KCNB2: variants seen among roughly 807,000 people sequenced by gnomAD.
KCNB2 encodes the protein delayed rectifier potassium channel protein.
Under a neutral mutation model 61.5 loss-of-function variants are expected in KCNB2, and 15 were observed. That is an observed-to-expected ratio of 0.24 (90% CI 0.16 to 0.38). KCNB2 has a LOEUF of 0.38. Among genes scored for constraint, KCNB2 ranks in the 10% least tolerant of loss-of-function variants. The pLI, the probability that KCNB2 is intolerant of heterozygous loss-of-function variation, is 1.00. For missense variants in KCNB2, 828 were observed against 1,125.2 expected (o/e 0.74, Z 3.78); for synonymous variants, 457 against 446.0 (o/e 1.02, Z -0.31).
At chr8:72,782,702 C>T (rs1235379696) in intron 2 of KCNB2, among the ~76,000 whole-genome samples, 1 of 152,170 alleles carries the variant, frequency 6.6e-6, no homozygotes, top group African/African-American at 2.4e-5. Flanking sequence ...GTAAGACCCA[C>T]TTCCCTCAAA....
intron 2 of KCNB2, among the ~76,000 whole-genome samples, chr8:72,885,310 A>G (rs1353829452): frequency 1.3e-5 from 2 of 152,134 alleles, no homozygotes; most frequent in East Asian, 1.9e-4. Flanking sequence ...ACTTTTAGCT[A>G]CTAGCCAGAT....
chr8:72,854,321 T>G (rs898144418), intron 2 of KCNB2, among the ~76,000 whole-genome samples: 1 of 152,212 alleles, frequency 6.6e-6, no homozygotes, highest in Non-Finnish European at 1.5e-5. Context: ...AGGTATCAGT[T>G]ATATATTTTT....
chr8:72,559,128 GTTTTA>G (rs201047854), intron 1 of KCNB2, among the ~76,000 whole-genome samples: 52 of 151,642 alleles, frequency 3.4e-4, no homozygotes, highest in Admixed American at 6.6e-4. Context: ...ATTTTATTTT[GTTTTA>G]TTTTATTTTA....
At chr8:72,778,992 C>T (rs1187186341) in intron 2 of KCNB2, among the ~76,000 whole-genome samples, 1 of 151,958 alleles carries the variant, frequency 6.6e-6, no homozygotes, top group Non-Finnish European at 1.5e-5. Context: ...GAAGCCAGGT[C>T]GCACCTAGGC....
intron 1 of KCNB2, among the ~76,000 whole-genome samples, chr8:72,550,096 C>A (rs1806321096): frequency 6.6e-6 from 1 of 152,208 alleles, no homozygotes; most frequent in African/African-American, 2.4e-5. Flanking sequence ...TTCCCACTAT[C>A]CTTTCTCAAG....
chr8:72,544,635 A>T (rs1309531836), intron 1 of KCNB2, among the ~76,000 whole-genome samples: 1 of 152,202 alleles, frequency 6.6e-6, no homozygotes, highest in African/African-American at 2.4e-5. Context: ...CTCCCAATAC[A>T]GGTCATAATA....
intron 2 of KCNB2, among the ~76,000 whole-genome samples, chr8:72,811,892 C>T (rs1029194525): frequency 2.0e-5 from 3 of 152,166 alleles, no homozygotes; most frequent in African/African-American, 4.8e-5. Flanking sequence ...GATTTATGCA[C>T]CTTCACGGGT....
chr8:72,555,556 A>G (rs912919823), intron 1 of KCNB2, among the ~76,000 whole-genome samples: 2 of 151,806 alleles, frequency 1.3e-5, no homozygotes, highest in African/African-American at 4.8e-5. Flanking sequence ...CAGTGCTTTA[A>G]ATATCACCAT....
At chr8:72,697,273 C>T (rs564242321) in intron 2 of KCNB2, among the ~76,000 whole-genome samples, 26 of 152,252 alleles carry the variant, frequency 1.7e-4, no homozygotes, top group African/African-American at 6.0e-4. Context: ...TTGTAAAATG[C>T]TTGGGGAAAG....
At chr8:72,655,423 C>T (rs1025135346) in intron 2 of KCNB2, among the ~76,000 whole-genome samples, 2 of 151,924 alleles carry the variant, frequency 1.3e-5, no homozygotes, top group African/African-American at 4.8e-5. Context: ...ATAACAAACC[C>T]TGAACCTAAA....
intron 2 of KCNB2, among the ~76,000 whole-genome samples, chr8:72,809,450 C>T (rs1038084216): frequency 1.2e-4 from 19 of 152,170 alleles, no homozygotes; most frequent in Admixed American, 8.5e-4. Flanking sequence ...GGAGTAGTTA[C>T]AGCTCTTCTC....
intron 2 of KCNB2, among the ~76,000 whole-genome samples, chr8:72,898,964 G>C (rs901934846): frequency 1.3e-5 from 2 of 152,044 alleles, no homozygotes; most frequent in East Asian, 3.9e-4. Flanking sequence ...TCACTGCAAG[G>C]GACGTGATTT....
intron 2 of KCNB2, among the ~76,000 whole-genome samples, chr8:72,896,415 A>G (rs1030325308): frequency 6.6e-6 from 1 of 152,154 alleles, no homozygotes; most frequent in African/African-American, 2.4e-5. Context: ...TAAGGCCAAC[A>G]CTAAATGATA....
At chr8:72,697,395 T>G (rs963303145) in intron 2 of KCNB2, among the ~76,000 whole-genome samples, 3 of 152,156 alleles carry the variant, frequency 2.0e-5, no homozygotes, top group African/African-American at 7.2e-5. Flanking sequence ...TACCTAATTC[T>G]CCAACTAAAT....
chr8:72,739,581 C>G (rs779279801), intron 2 of KCNB2, among the ~76,000 whole-genome samples: 2 of 151,718 alleles, frequency 1.3e-5, no homozygotes, highest in African/African-American at 2.4e-5. Flanking sequence ...AAGGAATGGT[C>G]TGGAGGTGCA....
At chr8:72,721,586 T>A (rs1807549712) in intron 2 of KCNB2, among the ~76,000 whole-genome samples, 1 of 152,186 alleles carries the variant, frequency 6.6e-6, no homozygotes. Context: ...GGCTCAGTGG[T>A]CAGTATAGAG....
intron 2 of KCNB2, among the ~76,000 whole-genome samples, chr8:72,763,645 T>A (rs1808420290): frequency 6.6e-6 from 1 of 152,200 alleles, no homozygotes; most frequent in African/African-American, 2.4e-5. Flanking sequence ...AAACTGAGTG[T>A]CTGTGGGTAA....
intron 2 of KCNB2, among the ~76,000 whole-genome samples, chr8:72,868,820 G>A (rs1182012247): frequency 2.0e-5 from 3 of 152,136 alleles, no homozygotes; most frequent in Admixed American, 1.3e-4. Flanking sequence ...AGAAGGGCAC[G>A]TGTGGGCCAT....
chr8:72,788,422 A>G (rs942638415), intron 2 of KCNB2, among the ~76,000 whole-genome samples: 10 of 152,076 alleles, frequency 6.6e-5, no homozygotes, highest in Admixed American at 6.6e-4. Flanking sequence ...TTCTTCTTAC[A>G]AGAGCAGCAG....
Sources: allele counts gnomAD v4.1 joint callset (sites outside exome capture counted in the v4.1 genomes callset), GRCh38; gene constraint gnomAD v4.1.1; transcripts MANE v1.5; gene names NCBI Gene and HGNC (gene_info 2026-07-23, HGNC 2026-07-21).